Variants in DYNLT2 observed in about 807,000 individuals in gnomAD.
DYNLT2 encodes dynein light chain Tctex-type 2, also known as dynein light chain Tctex-type protein 2.
DYNLT2 carries 24 observed loss-of-function variants against 24.3 expected under a neutral mutation model. That is an observed-to-expected ratio of 0.99 (90% CI 0.71 to 1.39). The LOEUF (loss-of-function observed/expected upper bound fraction) is 1.39. DYNLT2 is among the 40% of genes most tolerant of loss of function. DYNLT2 has a pLI of 0.00. For missense variants in DYNLT2, 246 were observed against 234.5 expected (o/e 1.05, Z -0.32); for synonymous variants, 85 against 85.4 (o/e 1.00, Z 0.03).
the DYNLT2 span, chr6:169,725,326 A>G: frequency 2.5e-6 from 1 of 398,578 alleles, no homozygotes; most frequent in Admixed American, 4.4e-5. Flanking sequence ...CCTACACTCA[A>G]CAAACAAAAG....
the DYNLT2 span, among the ~76,000 whole-genome samples, chr6:169,730,796 G>A: frequency 6.6e-6 from 1 of 152,182 alleles, no homozygotes; most frequent in Non-Finnish European, 1.5e-5. Context: ...TACTCAGGAG[G>A]CTGAGGCATG....
chr6:169,728,623 A>G, the DYNLT2 span, among the ~76,000 whole-genome samples: 1 of 152,256 alleles, frequency 6.6e-6, no homozygotes, highest in South Asian at 2.1e-4. Flanking sequence ...TGAAACATCA[A>G]AAACTCTGTT....
At chr6:169,737,401 G>A (rs539188262), downstream of DYNLT2, among the ~76,000 whole-genome samples, 1 of 152,218 alleles carries the variant, frequency 6.6e-6, no homozygotes, top group East Asian at 1.9e-4. Flanking sequence ...GAGGCACTCT[G>A]GCCTTTTGGG....
chr6:169,726,322 A>T, the DYNLT2 span, among the ~76,000 whole-genome samples: 11,268 of 152,262 alleles, frequency 0.074, 514 homozygotes, highest in Non-Finnish European at 0.1. Context: ...TAAAAAAAAA[A>T]ATGGAGTTTA....
At chr6:169,725,573 C>T in the DYNLT2 span, 1 of 370,938 alleles carries the variant, frequency 2.7e-6, no homozygotes. Flanking sequence ...TCTGAATCTG[C>T]CAAGAAGAAA....
At position 169,740,276 on chromosome 6, in the gene DYNLT2, C is replaced by G; in HGVS notation, c.506G>C (p.Trp169Ser). ...QAINIASRWI[W>S]DIAWDSWVAA... ...GACCCAGCTGTCCCATGCAATGTCC[C>G]AGATCCATCTGCTGGCAATCTGTGA... Residue 169 changes from tryptophan (W) to serine (S), a missense_variant, in exon 4 of 4, where the codon TGG (tryptophan) becomes TCG (serine). By Grantham distance (177) the Trp-to-Ser change is radical. Transcript: ENST00000366774. The G allele has an allele frequency of 6.2e-7, 1 of 1,613,558 alleles. No individual in the cohort carries two copies. Among genetic ancestry groups the G allele is most frequent in the Non-Finnish European group, 8.5e-7 (1 of 1,179,548 alleles).
rs1585318931 is a variant in DYNLT2, at chr6:169,744,160, C to T, written c.235G>A (p.Ala79Thr). 2 of 1,613,380 alleles carry T rather than the reference C, an allele frequency of 1.2e-6. No individual in the cohort carries two copies. The highest frequency in any genetic ancestry group is 1.7e-4 in the Middle Eastern group (1 of 6,050). ...DIGKEWKSAL[A>T]KLKFANSYRM... ...TATGAATTAGCAAACTTTAATTTTG[C>T]CAGGGCACTCTTCCATTCTTTACCT... is the stretch of plus-strand genomic sequence containing the variant. The change falls in exon 2 of 4, where the codon GCA becomes ACA. Residue 79 changes from alanine (A) to threonine (T), a missense_variant. By Grantham distance (58) the Ala-to-Thr change is moderately conservative (BLOSUM62 0). Transcript: ENST00000366774.
the DYNLT2 span, among the ~76,000 whole-genome samples, chr6:169,730,546 T>C: frequency 6.6e-6 from 1 of 152,178 alleles, no homozygotes; most frequent in Non-Finnish European, 1.5e-5. Flanking sequence ...GGAAAGGAAC[T>C]CAAAATGCAT....
intron 1 of DYNLT2, chr6:169,749,779 T>C (rs1386342463): frequency 6.6e-6 from 1 of 152,186 alleles, no homozygotes; most frequent in Non-Finnish European, 1.5e-5. Flanking sequence ...AAAAGTTAAC[T>C]GAGGTGCTAC....
intron 3 of DYNLT2, among the ~76,000 whole-genome samples, chr6:169,741,020 G>A (rs1186583736): frequency 6.6e-6 from 1 of 152,038 alleles, no homozygotes; most frequent in East Asian, 1.9e-4. Context: ...TGTTGACCAA[G>A]CTGCTTGAAC....
At chr6:169,725,162 A>T in the DYNLT2 span, 1 of 398,776 alleles carries the variant, frequency 2.5e-6, no homozygotes. Context: ...AAAACAGCGG[A>T]AAGTGAGGAG....
chr6:169,751,557 T>C lies in DYNLT2; in HGVS notation c.-99A>G. On this transcript the variant is annotated 5_prime_UTR_variant, in exon 1 of 4. Coordinates refer to ENST00000366774, the MANE Select transcript of DYNLT2 (RefSeq NM_174910.3). ...AGGGCGGAAGTCTCCCACCTGCGCC[T>C]CGTACGGTAGGAAGTGCCCGCCAGG... is the stretch of plus-strand genomic sequence containing the variant. 6.2e-7 allele frequency: 1 copy of C among 1,609,870 alleles called. No homozygotes were observed. Among genetic ancestry groups the C allele is most frequent in the Non-Finnish European group, 8.5e-7 (1 of 1,178,516 alleles).
chr6:169,733,731 C>T, the DYNLT2 span, among the ~76,000 whole-genome samples: 8 of 152,276 alleles, frequency 5.3e-5, no homozygotes, highest in African/African-American at 1.9e-4. Flanking sequence ...ATGCCTCCAG[C>T]TTTGTTCTTT....
chr6:169,747,671 TATA>T (rs763616451), intron 1 of DYNLT2, among the ~76,000 whole-genome samples: 34 of 152,366 alleles, frequency 2.2e-4, no homozygotes, highest in African/African-American at 6.7e-4. Flanking sequence ...GGAATGTAAT[TATA>T]ATAACTTCAT....
the DYNLT2 span, among the ~76,000 whole-genome samples, chr6:169,730,855 G>A: frequency 6.6e-6 from 1 of 152,200 alleles, no homozygotes; most frequent in Non-Finnish European, 1.5e-5. Flanking sequence ...CCGATGGACT[G>A]AAGGAAATGT....
chr6:169,742,209 C>T (rs1036915555), intron 3 of DYNLT2, among the ~76,000 whole-genome samples: 1 of 152,168 alleles, frequency 6.6e-6, no homozygotes, highest in Admixed American at 6.5e-5. Flanking sequence ...GATTTTAATA[C>T]AGATAATTTC....
chr6:169,744,967 T>G (rs1789762290), intron 1 of DYNLT2, among the ~76,000 whole-genome samples: 1 of 152,216 alleles, frequency 6.6e-6, no homozygotes, highest in African/African-American at 2.4e-5. Context: ...CCTAATTGCT[T>G]GGCTAGAACT....
intron 1 of DYNLT2, among the ~76,000 whole-genome samples, chr6:169,745,290 G>A (rs1329884980): frequency 2.6e-5 from 4 of 152,032 alleles, no homozygotes; most frequent in African/African-American, 9.7e-5. Flanking sequence ...TTTTAGTAGA[G>A]ACGGGGTTTC....
At chr6:169,744,590 G>A (rs1789752926) in intron 1 of DYNLT2, among the ~76,000 whole-genome samples, 1 of 152,104 alleles carries the variant, frequency 6.6e-6, no homozygotes, top group South Asian at 2.1e-4. Context: ...TGGCCTCCAG[G>A]GAGGGCAACT....
Sources: gnomAD v4.1 joint callset for allele counts (sites outside exome capture counted in the v4.1 genomes callset) on GRCh38, gnomAD v4.1.1 for gene constraint, MANE v1.5 for transcripts, NCBI Gene and HGNC (gene_info 2026-07-23, HGNC 2026-07-21) for gene names.